Variants in STXBP5L observed in about 807,000 individuals in gnomAD.
STXBP5L encodes the protein syntaxin binding protein 5L, also known as syntaxin-binding protein 5-like.
In STXBP5L, 65 loss-of-function variants were observed where a neutral mutation model predicts 144.5. That is an observed-to-expected ratio of 0.45 (90% CI 0.37 to 0.55). The LOEUF (loss-of-function observed/expected upper bound fraction) is 0.55. Among genes scored for constraint, STXBP5L ranks in the 20% least tolerant of loss-of-function variants. STXBP5L has a pLI of 0.00. For synonymous variants in STXBP5L, 505 were observed against 469.6 expected (o/e 1.08, Z -0.97); for missense variants, 1,298 against 1,405.5 (o/e 0.92, Z 1.22).
At chr3:121,067,467 G>A (rs1439111255) in intron 5 of STXBP5L, among the ~76,000 whole-genome samples, 1 of 152,108 alleles carries the variant, frequency 6.6e-6, no homozygotes, top group East Asian at 1.9e-4. Context: ...AAAATAAAAT[G>A]CCACTGTGGA....
intron 14 of STXBP5L, among the ~76,000 whole-genome samples, chr3:121,241,351 T>TA (rs1467666531): frequency 6.7e-6 from 1 of 149,236 alleles, no homozygotes; most frequent in Non-Finnish European, 1.5e-5. Flanking sequence ...TCTCTCTACT[T>TA]AGGTTTAACA....
chr3:121,082,673 G>A (rs1213554852), intron 5 of STXBP5L, among the ~76,000 whole-genome samples: 1 of 152,172 alleles, frequency 6.6e-6, no homozygotes, highest in Non-Finnish European at 1.5e-5. Flanking sequence ...ACATGACAGT[G>A]TGTGTGTATA....
chr3:121,114,295 G>A (rs1465686168), intron 5 of STXBP5L, among the ~76,000 whole-genome samples: 1 of 152,118 alleles, frequency 6.6e-6, no homozygotes. Flanking sequence ...ATACAGTGAA[G>A]CTCTGACTTT....
chr3:121,359,281 G>T (rs2045627989), intron 20 of STXBP5L, among the ~76,000 whole-genome samples: 1 of 151,994 alleles, frequency 6.6e-6, no homozygotes, highest in Non-Finnish European at 1.5e-5. Context: ...CAAATATTTT[G>T]CCCATCTTTT....
At chr3:121,208,802 T>C (rs1263718601) in intron 10 of STXBP5L, among the ~76,000 whole-genome samples, 1 of 152,114 alleles carries the variant, frequency 6.6e-6, no homozygotes, top group Non-Finnish European at 1.5e-5. Context: ...AGTTTTGGAA[T>C]ACATGTGTAA....
chr3:121,190,523 C>G (rs960317727), intron 9 of STXBP5L, among the ~76,000 whole-genome samples: 3 of 152,214 alleles, frequency 2.0e-5, no homozygotes, highest in Admixed American at 2.0e-4. Context: ...TTCTATTCGA[C>G]AAAACCGCCA....
At chr3:120,921,868 G>A (rs1177307565) in intron 2 of STXBP5L, among the ~76,000 whole-genome samples, 4 of 151,598 alleles carry the variant, frequency 2.6e-5, no homozygotes, top group African/African-American at 4.8e-5. Flanking sequence ...GTTACTTTAG[G>A]TCTGTAGTAT....
intron 9 of STXBP5L, among the ~76,000 whole-genome samples, chr3:121,190,690 C>CA (rs2047616184): frequency 6.6e-6 from 1 of 151,980 alleles, no homozygotes; most frequent in South Asian, 2.1e-4. Context: ...GGCTGCCCCC[C>CA]ACCTCCCTGA....
chr3:121,320,701 CTTTTTTT>C (rs533248342), intron 20 of STXBP5L, among the ~76,000 whole-genome samples: 1 of 134,890 alleles, frequency 7.4e-6, no homozygotes, highest in Non-Finnish European at 1.6e-5. Context: ...AACGACCACA[CTTTTTTT>C]TTTTTTTTTT....
In STXBP5L at chr3:121,279,881, A is replaced by G. The variant is rs1471537400; in HGVS notation, c.2035A>G (p.Ile679Val). ...GACAGTACTGTTAAGCATGGGGACCATTGACCTATATAGATCAAGTGACTT... is the reference window on the plus strand; with the variant it reads ...GACAGTACTGTTAAGCATGGGGACCGTTGACCTATATAGATCAAGTGACTT... ...QKTVLLSMGT[I>V]DLYRSSDLYQ... is the part of the protein sequence containing the mutation. Residue 679 changes from isoleucine (I) to valine (V), a missense_variant, in exon 19 of 27, where the codon ATT becomes GTT. Transcript: ENST00000471454. The G allele has an allele frequency of 6.2e-7, 1 of 1,612,666 alleles. No individual in the cohort carries two copies. The highest frequency in any genetic ancestry group is 1.1e-5 in the South Asian group (1 of 91,056).
At chr3:120,912,248 A>T (rs1420012381) in intron 2 of STXBP5L, among the ~76,000 whole-genome samples, 1 of 152,046 alleles carries the variant, frequency 6.6e-6, no homozygotes, top group South Asian at 2.1e-4. Flanking sequence ...AATAATGGCT[A>T]TTTCTGAAAT....
intron 9 of STXBP5L, among the ~76,000 whole-genome samples, chr3:121,177,779 A>G (rs903258598): frequency 9.9e-5 from 15 of 152,220 alleles, no homozygotes; most frequent in African/African-American, 2.9e-4. Flanking sequence ...ACTTCTGGGC[A>G]TATGCCCAAA....
intron 3 of STXBP5L, among the ~76,000 whole-genome samples, chr3:120,996,477 A>T (rs1351332069): frequency 4.6e-5 from 7 of 152,122 alleles, no homozygotes; most frequent in Non-Finnish European, 1.0e-4. Context: ...TTGAGACTTA[A>T]GGTCTGTTCT....
intron 20 of STXBP5L, among the ~76,000 whole-genome samples, chr3:121,324,804 G>A (rs568747858): frequency 3.9e-5 from 6 of 152,056 alleles, no homozygotes; most frequent in African/African-American, 1.4e-4. Flanking sequence ...TGAAATGTTT[G>A]GAAATTTTCC....
intron 5 of STXBP5L, among the ~76,000 whole-genome samples, chr3:121,050,885 G>A (rs1053649072): frequency 1.3e-5 from 2 of 152,092 alleles, no homozygotes; most frequent in African/African-American, 4.8e-5. Context: ...AAGGGATGGA[G>A]GAAGATCTAC....
intron 9 of STXBP5L, among the ~76,000 whole-genome samples, chr3:121,189,277 T>C (rs1559843139): frequency 6.6e-6 from 1 of 152,246 alleles, no homozygotes; most frequent in Non-Finnish European, 1.5e-5. Context: ...TTTGGTGTTT[T>C]AAACATGAAG....
At chr3:121,041,054 C>G (rs1481327292) in intron 3 of STXBP5L, among the ~76,000 whole-genome samples, 1 of 147,702 alleles carries the variant, frequency 6.8e-6, no homozygotes, top group African/African-American at 2.5e-5. Flanking sequence ...ATGGTGTTTT[C>G]TCATTCTTTT....
intron 3 of STXBP5L, among the ~76,000 whole-genome samples, chr3:121,004,665 T>C (rs891018766): frequency 2.2e-4 from 34 of 152,180 alleles, no homozygotes; most frequent in Non-Finnish European, 2.9e-4. Context: ...TTTGCCCATT[T>C]GGTATGATAT....
intron 9 of STXBP5L, among the ~76,000 whole-genome samples, chr3:121,186,995 A>C (rs1428002516): frequency 6.6e-6 from 1 of 152,192 alleles, no homozygotes; most frequent in Non-Finnish European, 1.5e-5. Flanking sequence ...CCATTGTGGA[A>C]GTCAGTGTGG....
Sources: gnomAD v4.1 joint callset for allele counts (sites outside exome capture counted in the v4.1 genomes callset) on GRCh38, gnomAD v4.1.1 for gene constraint, MANE v1.5 for transcripts, NCBI Gene and HGNC (gene_info 2026-07-23, HGNC 2026-07-21) for gene names.